TYW1: variants seen among roughly 807,000 people sequenced by gnomAD.
TYW1 encodes S-adenosyl-L-methionine-dependent tRNA 4-demethylwyosine synthase TYW1.
TYW1 carries 46 observed loss-of-function variants against 96.2 expected under a neutral mutation model. That is an observed-to-expected ratio of 0.48 (90% CI 0.38 to 0.61). TYW1 has a LOEUF of 0.61. TYW1 is among the 20% of genes least tolerant of loss of function. The probability of loss-of-function intolerance (pLI) is 0.00; values close to 1 mark genes in which losing one functional copy is unlikely to be tolerated. For missense variants in TYW1, 684 were observed against 909.6 expected (o/e 0.75, Z 3.19); for synonymous variants, 274 against 323.0 (o/e 0.85, Z 1.63).
At position 67,017,896 on chromosome 7, in the gene TYW1, A is replaced by G. The variant is rs775081760; in HGVS notation, c.614A>G (p.His205Arg). The G allele has an allele frequency of 7.4e-6, 12 of 1,613,958 alleles. No homozygotes were observed. In the African/African-American group the frequency reaches 1.2e-4, roughly 16 times the overall value. The change falls in exon 6 of 16, where the codon CAT becomes CGT. Residue 205 changes from histidine to arginine, a missense_variant. Transcript: ENST00000359626. The part of the protein sequence containing the change: ...VDKWLWMLGA[H>R]RVMSRGEGDC... ...AAGTGGCTCTGGATGCTTGGCGCGC[A>G]TCGTGTGATGAGTCGAGGGGAGGGC... is the stretch of plus-strand genomic sequence containing the variant.
At chr7:67,090,563 A>G (rs1290598171) in intron 11 of TYW1, among the ~76,000 whole-genome samples, 1 of 152,218 alleles carries the variant, frequency 6.6e-6, no homozygotes, top group Non-Finnish European at 1.5e-5. Context: ...TGTTCAGAAT[A>G]AGAAAAATGT....
chr7:67,148,116 TG>T (rs569112115), intron 13 of TYW1, among the ~76,000 whole-genome samples: 1 of 150,052 alleles, frequency 6.7e-6, no homozygotes, highest in African/African-American at 2.5e-5. Context: ...TTGGGGTTTG[TG>T]GGGGGGCTTT....
intron 13 of TYW1, among the ~76,000 whole-genome samples, chr7:67,139,765 G>T (rs1266736539): frequency 6.6e-6 from 1 of 151,534 alleles, no homozygotes; most frequent in Non-Finnish European, 1.5e-5. Context: ...GTGTGTGTGT[G>T]TGTGTGTATG....
intron 13 of TYW1, among the ~76,000 whole-genome samples, chr7:67,182,745 G>A (rs187878433): frequency 7.2e-6 from 1 of 137,958 alleles, no homozygotes; most frequent in East Asian, 1.9e-4. Flanking sequence ...AACAACTTGG[G>A]TGATTATTAC....
chr7:67,149,329 A>T (rs888884304), intron 13 of TYW1, among the ~76,000 whole-genome samples: 6 of 152,264 alleles, frequency 3.9e-5, no homozygotes, highest in African/African-American at 1.4e-4. Context: ...ATATTAGTGC[A>T]TCTGGGAAAT....
At chr7:67,180,424 A>ATATATATATATATATAT (rs1341437613) in intron 13 of TYW1, among the ~76,000 whole-genome samples, 6 of 81,922 alleles carry the variant, frequency 7.3e-5, no homozygotes, top group Admixed American at 1.2e-4. Context: ...ATATATATAT[A>ATATATATATATATATAT]ATTTTTTTTT....
At chr7:67,166,353 T>C (rs1468728165) in intron 13 of TYW1, among the ~76,000 whole-genome samples, 1 of 110,474 alleles carries the variant, frequency 9.1e-6, no homozygotes, top group Non-Finnish European at 2.0e-5. Flanking sequence ...TATATAATTA[T>C]ATATAATACA....
At chr7:67,019,628 C>T (rs1176090527) in intron 6 of TYW1, among the ~76,000 whole-genome samples, 2 of 152,254 alleles carry the variant, frequency 1.3e-5, no homozygotes, top group African/African-American at 2.4e-5. Context: ...GCCACTGCAC[C>T]TAGCCAAAAT....
At chr7:67,077,355 T>G (rs1429329082) in intron 10 of TYW1, among the ~76,000 whole-genome samples, 2 of 152,238 alleles carry the variant, frequency 1.3e-5, no homozygotes, top group Non-Finnish European at 2.9e-5. Flanking sequence ...TAGTTTACAT[T>G]GCCAACAACA....
At chr7:67,170,303 A>G (rs1352255058) in intron 13 of TYW1, among the ~76,000 whole-genome samples, 1 of 152,166 alleles carries the variant, frequency 6.6e-6, no homozygotes, top group Admixed American at 6.5e-5. Flanking sequence ...TTTTATCCTT[A>G]TGGTGGTACC....
chr7:67,019,596 G>A (rs940336702), intron 6 of TYW1, among the ~76,000 whole-genome samples: 1 of 152,268 alleles, frequency 6.6e-6, no homozygotes, highest in African/African-American at 2.4e-5. Context: ...GGACAGCGCT[G>A]GGATTGGGAT....
At chr7:67,088,772 G>C (rs1236007173) in intron 11 of TYW1, among the ~76,000 whole-genome samples, 1 of 152,032 alleles carries the variant, frequency 6.6e-6, no homozygotes, top group African/African-American at 2.4e-5. Flanking sequence ...GTCTCACTAT[G>C]TTGCCCAGTC....
chr7:67,144,375 T>A (rs941040862), intron 13 of TYW1, among the ~76,000 whole-genome samples: 23 of 152,264 alleles, frequency 1.5e-4, no homozygotes, highest in African/African-American at 5.1e-4. Flanking sequence ...ATCATCAGAT[T>A]GTCTGAAGAG....
rs368273987 is a variant in TYW1, at chr7:67,032,961, A to G, written c.984+7939A>G. Among the ~76,000 whole-genome samples, 7 of 133,806 alleles carry G rather than the reference A, an allele frequency of 5.2e-5. No individual in the cohort carries two copies. The East Asian group carries it at 1.2e-3, about 22-fold the overall frequency. 87.8% of individuals were successfully genotyped at this position (133,806 alleles called of 152,430 possible). On this transcript the variant is annotated intron_variant, in intron 7 of 15. Transcript: ENST00000359626. Reference sequence around the variant, plus strand: ...ATCCAGGCTGGGGTGCAGTGGCACAATCTCAGCTCACTGCAACCTCTGCCT... The same window carrying G: ...ATCCAGGCTGGGGTGCAGTGGCACAGTCTCAGCTCACTGCAACCTCTGCCT...
At chr7:67,195,138 A>G in intron 14 of TYW1, 32 bp from the exon 15 acceptor site, 1 of 1,606,044 alleles carries the variant, frequency 6.2e-7, no homozygotes, top group Non-Finnish European at 8.5e-7. Context: ...GTAGGTCTGT[A>G]GTCATCTCTG....
chr7:67,164,460 A>T (rs998133512), intron 13 of TYW1, among the ~76,000 whole-genome samples: 3 of 151,772 alleles, frequency 2.0e-5, no homozygotes, highest in African/African-American at 7.3e-5. Context: ...ATACAAAAAA[A>T]ATTGGCTGGA....
At position 67,214,764 on chromosome 7, in the gene TYW1, A is replaced by AT. The variant is rs11297481; in HGVS notation, c.1977+19438dup. ...CTTCAACTATTGATAAGATCATGTG[A>AT]TTTTTTTTTTTCTTTAGCCTATTGA... On this transcript the variant is annotated intron_variant, in intron 15 of 15. Coordinates refer to ENST00000359626, the MANE Select transcript of TYW1 (RefSeq NM_018264.4). 6.4e-4 allele frequency among the ~76,000 whole-genome samples: 81 copies of AT among 125,728 alleles called. 3 individuals are homozygous for AT. Among genetic ancestry groups the AT allele is most frequent in the South Asian group, 3.2e-3 (12 of 3,800 alleles). The allele number at this position is 125,728 out of a possible 152,430, so 82.5% of individuals were successfully genotyped here. A position where few individuals can be genotyped will look rare whatever the true frequency, so the allele number is the denominator to read the frequency against.
At chr7:67,174,846 T>C (rs891847185) in intron 13 of TYW1, among the ~76,000 whole-genome samples, 7 of 152,138 alleles carry the variant, frequency 4.6e-5, no homozygotes, top group African/African-American at 1.7e-4. Flanking sequence ...ATAGATCCTA[T>C]AGACATTAAA....
chr7:67,074,864 G>T (rs1427838960), intron 10 of TYW1, among the ~76,000 whole-genome samples: 1 of 151,524 alleles, frequency 6.6e-6, no homozygotes, highest in Non-Finnish European at 1.5e-5. Flanking sequence ...ATGGAGTCTC[G>T]CTCTGTCACC....
Sources: gnomAD v4.1 joint callset for allele counts (sites outside exome capture counted in the v4.1 genomes callset) on GRCh38, gnomAD v4.1.1 for gene constraint, MANE v1.5 for transcripts, NCBI Gene and HGNC (gene_info 2026-07-23, HGNC 2026-07-21) for gene names.